The following TRPV3 variants were observed in gnomAD, a reference collection of about 807,000 sequenced individuals.
TRPV3 encodes transient receptor potential cation channel subfamily V member 3, also known as VRL-3.
TRPV3 carries 88 observed loss-of-function variants against 87.1 expected under a neutral mutation model. The observed-to-expected ratio is 1.01, with a 90% CI of 0.85 to 1.21. TRPV3 has a LOEUF of 1.21. Ranked by LOEUF, TRPV3 falls within the 50% of genes most tolerant of loss-of-function variation. The probability of loss-of-function intolerance (pLI) is 0.00; values close to 1 mark genes in which losing one functional copy is unlikely to be tolerated. For missense variants in TRPV3, 1,054 were observed against 1,030.1 expected (o/e 1.02, Z -0.32); for synonymous variants, 438 against 423.3 (o/e 1.03, Z -0.43).
In TRPV3 at chr17:3,518,337, G is replaced by A. The variant is rs1200413816; in HGVS notation, c.2085+239C>T. ...ATCCACACATCACACTGTCAACCCT[G>A]AGCAGAGCACCCCCATGAGCCTGAG... On this transcript the variant is annotated intron_variant, in intron 15 of 17. Coordinates refer to ENST00000576742, the MANE Select transcript of TRPV3 (RefSeq NM_145068.4). The surrounding 1 kb of genome is among the most constrained non-coding windows in gnomAD (Gnocchi z 4.3). Among the ~76,000 whole-genome samples, 1 of 152,174 alleles carries A rather than the reference G, an allele frequency of 6.6e-6. No homozygotes were observed. The highest frequency in any genetic ancestry group is 1.5e-5 in the Non-Finnish European group (1 of 68,032).
intron 2 of TRPV3, 41 bp from the exon 3 acceptor site, chr17:3,545,312 C>A: frequency 6.8e-7 from 1 of 1,480,946 alleles, no homozygotes; most frequent in Non-Finnish European, 9.4e-7. Flanking sequence ...CCGAGCCAGG[C>A]AGAGCCTGTC....
At chr17:3,545,123 G>C (rs777767693) in intron 3 of TRPV3, 44 bp downstream of exon 3, 43 of 1,464,340 alleles carry the variant, frequency 2.9e-5, no homozygotes, top group Non-Finnish European at 4.1e-5. Flanking sequence ...CTGGAGCTGA[G>C]GGCTGGGCCC....
At position 3,514,599 on chromosome 17, in the gene TRPV3, G is replaced by A. The variant is rs765435661; in HGVS notation, c.2272C>T (p.Arg758Ter). ...CACCTCACAGCGACAGTACCTGTTC[G>A]TCTTACAGGCCCCGGGTCTTCGTTA... is the stretch of plus-strand genomic sequence containing the variant. ...FLNEDPGPVR[R>*]TDFNKIQDSS... Residue 758 changes from arginine (R) to a stop codon, truncating the protein, a stop_gained, in exon 17 of 18, where the codon CGA becomes TGA. Coordinates refer to ENST00000576742, the MANE Select transcript of TRPV3 (RefSeq NM_145068.4). LOFTEE classifies it high-confidence loss of function. 5.6e-6 allele frequency: 9 copies of A among 1,613,058 alleles called. No homozygotes were observed. Among genetic ancestry groups the A allele is most frequent in the African/African-American group, 2.7e-5 (2 of 74,906 alleles).
rs978356965 is a variant in TRPV3, at chr17:3,533,047, T to G, written c.785-110A>C. ...ATCTCAGCAGGATGGGCACCTCAGG[T>G]TCCCTAGCCCTCTCCCCATCTTCCG... On this transcript the variant is annotated intron_variant, in intron 7 of 17. Coordinates refer to ENST00000576742, the MANE Select transcript of TRPV3 (RefSeq NM_145068.4). The G allele has an allele frequency of 5.5e-6, 7 of 1,272,888 alleles. No homozygotes were observed. In the African/African-American group the frequency reaches 8.8e-5, roughly 16 times the overall value. The allele number at this position is 1,272,888 out of a possible 1,614,324, so 78.8% of individuals were successfully genotyped here.
chr17:3,538,748 C>T (rs1220636996), intron 6 of TRPV3, among the ~76,000 whole-genome samples: 1 of 152,126 alleles, frequency 6.6e-6, no homozygotes, highest in African/African-American at 2.4e-5. Context: ...CCACGCCCTA[C>T]TAGTTTTTGT....
chr17:3,539,310 A>AT lies in TRPV3; in HGVS notation c.643+3211_643+3212insA, dbSNP rs1423011683. Among the ~76,000 whole-genome samples, 4 of 152,022 alleles carry AT rather than the reference A, an allele frequency of 2.6e-5. No individual in the cohort carries two copies. In the East Asian group the frequency reaches 7.7e-4, roughly 29 times the overall value. Reference sequence around the variant, plus strand: ...GGGTAAAGGACTTAAAAAAAAAAAAAGTATGTAAAATGCTGGGCTGCTTTA... The same window carrying AT: ...GGGTAAAGGACTTAAAAAAAAAAAAATGTATGTAAAATGCTGGGCTGCTTTA... On this transcript the variant is annotated intron_variant, in intron 6 of 17. Coordinates refer to ENST00000576742, the MANE Select transcript of TRPV3 (RefSeq NM_145068.4).
chr17:3,529,956 G>A (rs544530790), intron 9 of TRPV3, 71 bp downstream of exon 9: 92 of 1,522,770 alleles, frequency 6.0e-5, no homozygotes, highest in African/African-American at 4.9e-4. Flanking sequence ...TCTTCCCAGC[G>A]TCCTCTCAGC....
intron 2 of TRPV3, chr17:3,546,892 C>T (rs532607106): frequency 4.7e-5 from 13 of 275,878 alleles, no homozygotes; most frequent in South Asian, 3.9e-4. Context: ...TGCTTGAAAC[C>T]GGGAGGCAGA....
intron 6 of TRPV3, among the ~76,000 whole-genome samples, chr17:3,538,911 G>A (rs187960822): frequency 3.3e-5 from 5 of 152,236 alleles, no homozygotes; most frequent in East Asian, 1.9e-4. Context: ...ATATGCATGC[G>A]GTTGAACCCA....
chr17:3,519,601 A>G (rs111210234), intron 14 of TRPV3, among the ~76,000 whole-genome samples: 262 of 11,704 alleles, frequency 0.022, 3 homozygotes, highest in Non-Finnish European at 0.034. Flanking sequence ...TGGATGGATG[A>G]CTGGATGGAT....
intron 1 of TRPV3, among the ~76,000 whole-genome samples, chr17:3,555,087 A>G (rs2074614643): frequency 3.3e-5 from 5 of 152,298 alleles, no homozygotes; most frequent in Admixed American, 3.3e-4. Flanking sequence ...AGAGCCCAGC[A>G]GGGTGTCCCA....
In TRPV3 at chr17:3,513,775, G is replaced by A; in HGVS notation, c.*142C>T. 1 of 654,076 alleles carries A rather than the reference G, an allele frequency of 1.5e-6. No individual in the cohort carries two copies. The highest frequency in any genetic ancestry group is 2.7e-5 in the Admixed American group (1 of 37,540). The allele number at this position is 654,076 out of a possible 1,614,324, so 40.5% of individuals were successfully genotyped here. On this transcript the variant is annotated 3_prime_UTR_variant, in exon 18 of 18. Coordinates refer to ENST00000576742, the MANE Select transcript of TRPV3 (RefSeq NM_145068.4). ...CTGCCCCTCAGTTCAGACACCCACT[G>A]AGCACTGAGCACGAGGGTGCACTCT...
chr17:3,524,752 G>A (rs1283899000), intron 12 of TRPV3, among the ~76,000 whole-genome samples: 4 of 148,618 alleles, frequency 2.7e-5, no homozygotes, highest in East Asian at 2.0e-4. Flanking sequence ...TAGGAGAAAC[G>A]CTTCAGGCCA....
chr17:3,538,821 G>T (rs1453339687), intron 6 of TRPV3, among the ~76,000 whole-genome samples: 1 of 152,212 alleles, frequency 6.6e-6, no homozygotes, highest in African/African-American at 2.4e-5. Flanking sequence ...CTGACCTCAA[G>T]TGATCCACCT....
At chr17:3,517,343 C>T (rs1454368206) in intron 15 of TRPV3, among the ~76,000 whole-genome samples, 2 of 151,842 alleles carry the variant, frequency 1.3e-5, no homozygotes, top group Non-Finnish European at 2.9e-5. Context: ...CTTGGACAGG[C>T]GCAGTGGCTC....
chr17:3,556,549 G>T lies in TRPV3; in HGVS notation c.-3+1127C>A, dbSNP rs2074634761. 1.3e-5 allele frequency among the ~76,000 whole-genome samples: 2 copies of T among 152,282 alleles called. No individual in the cohort carries two copies. Among genetic ancestry groups the T allele is most frequent in the South Asian group, 4.1e-4 (2 of 4,828 alleles). ...TTCTGTAAGAAGAACCCAGCTGGGT[G>T]GGGTGGAGCTGGGGCCACTGGTGAT... On this transcript the variant is annotated intron_variant, in intron 1 of 17. Transcript: ENST00000576742. This position sits in a 1 kb window ranked among gnomAD's most constrained non-coding sequence, Gnocchi z 4.2.
intron 16 of TRPV3, among the ~76,000 whole-genome samples, chr17:3,515,989 C>A (rs537161095): frequency 1.3e-5 from 2 of 152,138 alleles, no homozygotes; most frequent in East Asian, 3.9e-4. Flanking sequence ...GAGTTTGAGA[C>A]CAGCTTGACC....
intron 9 of TRPV3, among the ~76,000 whole-genome samples, chr17:3,529,362 C>T (rs2074328704): frequency 2.0e-5 from 3 of 152,112 alleles, no homozygotes; most frequent in African/African-American, 4.8e-5. Flanking sequence ...GACTCCTCAC[C>T]TATAAAACTG....
At chr17:3,525,265 C>T (rs986980877) in intron 12 of TRPV3, among the ~76,000 whole-genome samples, 1 of 152,148 alleles carries the variant, frequency 6.6e-6, no homozygotes, top group Non-Finnish European at 1.5e-5. Flanking sequence ...GGTGATCCAC[C>T]CACCTCGGCC....
Sources: gnomAD v4.1 joint callset for allele counts (sites outside exome capture counted in the v4.1 genomes callset) on GRCh38, gnomAD v4.1.1 for gene constraint, Gnocchi (gnomAD v3.1) non-coding constraint, MANE v1.5 for transcripts, NCBI Gene and HGNC (gene_info 2026-07-23, HGNC 2026-07-21) for gene names.